USP34: variants seen among roughly 807,000 people sequenced by gnomAD.
The protein encoded by USP34 is ubiquitin carboxyl-terminal hydrolase 34.
In USP34, 70 loss-of-function variants were observed where a neutral mutation model predicts 460.3. The observed-to-expected ratio is 0.15, with a 90% CI of 0.13 to 0.19. USP34 has a LOEUF of 0.19. Among genes scored for constraint, USP34 ranks in the 10% least tolerant of loss-of-function variants. The probability of loss-of-function intolerance (pLI) is 1.00; values close to 1 mark genes in which losing one functional copy is unlikely to be tolerated. For synonymous variants in USP34, 1,647 were observed against 1,405.3 expected (o/e 1.17, Z -3.85); for missense variants, 3,985 against 4,236.2 (o/e 0.94, Z 1.65).
chr2:61,221,340 C>CTA (rs1687578844), intron 66 of USP34, among the ~76,000 whole-genome samples, 162 bp downstream of exon 66: 2 of 152,296 alleles, frequency 1.3e-5, no homozygotes, highest in Middle Eastern at 3.4e-3. Flanking sequence ...GTCTTTAATA[C>CTA]AACTAGGAGA....
intron 62 of USP34, among the ~76,000 whole-genome samples, chr2:61,224,616 T>C (rs1453801074): frequency 1.3e-5 from 2 of 152,218 alleles, no homozygotes; most frequent in African/African-American, 4.8e-5. Context: ...CCACGAAGTA[T>C]ACTTGCAAGT....
At chr2:61,294,825 T>TGG in intron 32 of USP34, 124 bp downstream of exon 32, 1 of 821,814 alleles carries the variant, frequency 1.2e-6, no homozygotes, top group Non-Finnish European at 1.9e-6. Context: ...TACATGATTT[T>TGG]TAAACTATGC....
At chr2:61,305,725 G>C (rs6545855) in intron 27 of USP34, among the ~76,000 whole-genome samples, 80,081 of 151,790 alleles carry the variant, frequency 0.53, 21,428 homozygotes, top group South Asian at 0.74. Context: ...AAGAAAGGCA[G>C]ACTCATAATC....
intron 41 of USP34, among the ~76,000 whole-genome samples, chr2:61,272,410 CAA>C (rs768984469): frequency 3.3e-4 from 27 of 82,626 alleles, no homozygotes; most frequent in African/African-American, 2.9e-4. Context: ...GACCCCATCT[CAA>C]AAAAAAAAAA....
intron 75 of USP34, among the ~76,000 whole-genome samples, chr2:61,196,247 A>AT (rs1232973598): frequency 0.025 from 3,401 of 136,124 alleles, 112 homozygotes; most frequent in African/African-American, 0.069. Context: ...TGCCTGGCTA[A>AT]TTTTTTTTTT....
intron 1 of USP34, among the ~76,000 whole-genome samples, chr2:61,424,534 T>C (rs141032546): frequency 1.9e-4 from 29 of 152,280 alleles, no homozygotes; most frequent in Middle Eastern, 6.8e-3. Context: ...TAGAGATTTG[T>C]TGCACGAGAA....
chr2:61,219,842 T>C (rs1205452167), intron 67 of USP34, among the ~76,000 whole-genome samples: 5 of 152,114 alleles, frequency 3.3e-5, no homozygotes, highest in Admixed American at 2.6e-4. Flanking sequence ...TCTATGTTTA[T>C]TTCCAAGCAA....
intron 1 of USP34, among the ~76,000 whole-genome samples, chr2:61,433,201 C>T (rs180683980): frequency 3.9e-5 from 6 of 152,300 alleles, no homozygotes; most frequent in Non-Finnish European, 7.3e-5. Context: ...TGGAAGCATC[C>T]AGCCTCTGCA....
chr2:61,331,404 G>A (rs1410590574), intron 19 of USP34, 33 bp from the exon 20 acceptor site: 2 of 1,569,770 alleles, frequency 1.3e-6, no homozygotes, highest in Non-Finnish European at 1.7e-6. Context: ...TAATTTTAAA[G>A]TGGGCAGGGT....
chr2:61,305,803 A>T (rs768523869), intron 27 of USP34, among the ~76,000 whole-genome samples: 1 of 152,174 alleles, frequency 6.6e-6, no homozygotes. Context: ...CGTTGGCTGT[A>T]AAGGACAAAA....
intron 75 of USP34, among the ~76,000 whole-genome samples, chr2:61,194,766 A>C (rs1339126497): frequency 6.6e-6 from 1 of 152,058 alleles, no homozygotes. Flanking sequence ...AACCAGCCTG[A>C]CCAACATGGA....
intron 1 of USP34, among the ~76,000 whole-genome samples, chr2:61,431,864 A>T (rs944518236): frequency 6.6e-6 from 1 of 152,138 alleles, no homozygotes; most frequent in Non-Finnish European, 1.5e-5. Context: ...CAAAAAAATA[A>T]ATAAATAAAA....
chr2:61,226,056 C>T (rs927463124), intron 62 of USP34, among the ~76,000 whole-genome samples: 3 of 152,150 alleles, frequency 2.0e-5, no homozygotes, highest in African/African-American at 7.2e-5. Flanking sequence ...GACTCAAACT[C>T]CTGGCCTCAA....
intron 57 of USP34, among the ~76,000 whole-genome samples, chr2:61,233,951 T>C (rs753324887): frequency 1.3e-5 from 2 of 152,216 alleles, no homozygotes; most frequent in South Asian, 2.1e-4. Context: ...GTTAGAAATA[T>C]ATACTGGGTG....
chr2:61,342,950 A>C (rs1267138532), intron 16 of USP34, among the ~76,000 whole-genome samples: 1 of 152,222 alleles, frequency 6.6e-6, no homozygotes, highest in African/African-American at 2.4e-5. Context: ...CTTTCTCAAC[A>C]ACCACAACAG....
intron 1 of USP34, among the ~76,000 whole-genome samples, chr2:61,446,036 C>G (rs568793508): frequency 1.3e-5 from 2 of 149,694 alleles, no homozygotes; most frequent in Non-Finnish European, 3.0e-5. Flanking sequence ...TCACCTGAAC[C>G]CAGGAAGGCA....
chr2:61,283,572 TGTGAGTGAGAGTGAGAGTGAGA>T, intron 35 of USP34, 123 bp from the exon 36 acceptor site: 1 of 919,092 alleles, frequency 1.1e-6, no homozygotes, highest in Non-Finnish European at 1.6e-6. Context: ...GCAGTGGGTG[TGTGAGTGAGAGTGAGAGTGAGA>T]GTGAGAGAGA....
In USP34 at chr2:61,380,141, G is replaced by T. The variant is rs761767593; in HGVS notation, c.1014+28C>A. On this transcript the variant is annotated intron_variant, in intron 7 of 79. Coordinates refer to ENST00000398571, the MANE Select transcript of USP34 (RefSeq NM_014709.4). ...ATAGACCAGAAAACAAATAAACGAT[G>T]ACCAAAAATAAAACAAATACAGCTT... The T allele has an allele frequency of 1.9e-6, 3 of 1,592,756 alleles. No homozygotes were observed. The South Asian group carries it at 3.4e-5, about 18-fold the overall frequency.
chr2:61,323,250 G>T (rs1019234039), intron 21 of USP34, among the ~76,000 whole-genome samples: 2 of 152,150 alleles, frequency 1.3e-5, no homozygotes, highest in African/African-American at 4.8e-5. Flanking sequence ...AGCGGCTCAC[G>T]CCTGTAATCC....
Sources: allele counts gnomAD v4.1 joint callset (sites outside exome capture counted in the v4.1 genomes callset), GRCh38; gene constraint gnomAD v4.1.1; transcripts MANE v1.5; gene names NCBI Gene and HGNC (gene_info 2026-07-23, HGNC 2026-07-21).